Variants in PDSS2 observed in about 807,000 individuals in gnomAD.
PDSS2 encodes all trans-polyprenyl-diphosphate synthase PDSS2.
Under a neutral mutation model 44.5 loss-of-function variants are expected in PDSS2, and 31 were observed. The observed-to-expected ratio is 0.70, with a 90% CI of 0.52 to 0.94. The LOEUF (loss-of-function observed/expected upper bound fraction) is 0.94, where lower values mean the gene tolerates loss of function less well. PDSS2 is among the 40% of genes least tolerant of loss of function. The pLI is 0.00. For synonymous variants in PDSS2, 157 were observed against 180.3 expected, an observed-to-expected ratio of 0.87 and a Z score of 1.03; for missense variants, 452 against 482.2, an observed-to-expected ratio of 0.94 and a Z score of 0.59.
chr6:107,367,456 C>T (rs968305362), intron 1 of PDSS2, among the ~76,000 whole-genome samples: 3 of 152,170 alleles, frequency 2.0e-5, no homozygotes, highest in Non-Finnish European at 4.4e-5. Flanking sequence ...GTCAGTTCAA[C>T]TCAATGTTGT....
At chr6:107,341,892 T>C (rs746688672) in intron 1 of PDSS2, among the ~76,000 whole-genome samples, 5 of 152,186 alleles carry the variant, frequency 3.3e-5, no homozygotes, top group Non-Finnish European at 7.3e-5. Context: ...GCATATGCTC[T>C]AATTCTCACA....
chr6:107,245,298 ACTGAGC>A (rs1235641746), intron 4 of PDSS2, among the ~76,000 whole-genome samples: 1 of 152,064 alleles, frequency 6.6e-6, no homozygotes, highest in African/African-American at 2.4e-5. Flanking sequence ...CCCAGTGTCT[ACTGAGC>A]TGCTGCAGAT....
intron 1 of PDSS2, among the ~76,000 whole-genome samples, chr6:107,389,246 C>G (rs887222671): frequency 1.3e-5 from 2 of 152,206 alleles, no homozygotes; most frequent in Non-Finnish European, 2.9e-5. Context: ...AATCAGCCAA[C>G]AAGTTGGCAT....
At chr6:107,170,225 A>G (rs530229429) in intron 7 of PDSS2, among the ~76,000 whole-genome samples, 1 of 152,196 alleles carries the variant, frequency 6.6e-6, no homozygotes, top group Admixed American at 6.5e-5. Context: ...TCAATCTCAG[A>G]CTGCTGTGCT....
At chr6:107,276,129 A>G (rs1215173810) in intron 2 of PDSS2, among the ~76,000 whole-genome samples, 62 of 151,134 alleles carry the variant, frequency 4.1e-4, no homozygotes, top group Middle Eastern at 3.4e-3. Context: ...AAAAGGAAAG[A>G]AAAGAAAAGA....
intron 7 of PDSS2, among the ~76,000 whole-genome samples, chr6:107,161,739 TCA>T (rs1298547837): frequency 3.2e-4 from 48 of 152,302 alleles, no homozygotes; most frequent in Admixed American, 7.9e-4. Context: ...TGTTAAATAT[TCA>T]CAGTTTGGCC....
At chr6:107,160,582 C>A (rs1335344215) in intron 7 of PDSS2, among the ~76,000 whole-genome samples, 1 of 151,988 alleles carries the variant, frequency 6.6e-6, no homozygotes, top group Admixed American at 6.6e-5. Flanking sequence ...AAACTCCTGG[C>A]CTCAAATGAT....
chr6:107,269,884 C>T (rs1395351867), intron 3 of PDSS2, among the ~76,000 whole-genome samples: 1 of 152,104 alleles, frequency 6.6e-6, no homozygotes, highest in African/African-American at 2.4e-5. Flanking sequence ...CCAGGCTGGT[C>T]TCAGACTCCT....
intron 3 of PDSS2, among the ~76,000 whole-genome samples, chr6:107,248,488 T>C (rs943646073): frequency 2.1e-5 from 3 of 144,660 alleles, no homozygotes; most frequent in African/African-American, 7.7e-5. Context: ...TGAGTTACCC[T>C]TGGAAGCTCA....
chr6:107,441,874 T>C (rs1290637847), intron 1 of PDSS2, among the ~76,000 whole-genome samples: 2 of 152,128 alleles, frequency 1.3e-5, no homozygotes, highest in Non-Finnish European at 2.9e-5. Context: ...GGCTCAAACC[T>C]AGTACACCAT....
chr6:107,380,213 C>T (rs1431335138), intron 1 of PDSS2, among the ~76,000 whole-genome samples: 3 of 152,164 alleles, frequency 2.0e-5, no homozygotes, highest in Non-Finnish European at 2.9e-5. Context: ...CTGTGTCTTA[C>T]AGCTCTCTCA....
intron 1 of PDSS2, among the ~76,000 whole-genome samples, chr6:107,447,794 C>G (rs759242733): frequency 6.6e-6 from 1 of 152,240 alleles, no homozygotes; most frequent in African/African-American, 2.4e-5. Context: ...GGCTCCAACC[C>G]TACACTTCCC....
At chr6:107,231,352 A>C (rs1008961917) in intron 4 of PDSS2, among the ~76,000 whole-genome samples, 1 of 152,228 alleles carries the variant, frequency 6.6e-6, no homozygotes, top group African/African-American at 2.4e-5. Flanking sequence ...ACACAGTAAG[A>C]GAGTAATAAA....
intron 6 of PDSS2, among the ~76,000 whole-genome samples, chr6:107,209,892 C>T (rs574683264): frequency 1.3e-5 from 2 of 152,116 alleles, no homozygotes; most frequent in South Asian, 4.2e-4. Flanking sequence ...AAAAGAAAAC[C>T]AAAAAAGTTC....
chr6:107,415,030 A>G (rs1181447539), intron 1 of PDSS2, among the ~76,000 whole-genome samples: 2 of 152,206 alleles, frequency 1.3e-5, no homozygotes, highest in Non-Finnish European at 2.9e-5. Context: ...AGTTCAGAAA[A>G]TTAGAAAGGT....
At chr6:107,308,676 A>G (rs1193967886) in intron 2 of PDSS2, among the ~76,000 whole-genome samples, 1 of 152,224 alleles carries the variant, frequency 6.6e-6, no homozygotes, top group African/African-American at 2.4e-5. Context: ...CTCTTAGATG[A>G]TGAGCACTTT....
intron 7 of PDSS2, among the ~76,000 whole-genome samples, chr6:107,191,605 T>C (rs1008760514): frequency 6.6e-6 from 1 of 152,128 alleles, no homozygotes; most frequent in African/African-American, 2.4e-5. Context: ...CGCACCAATG[T>C]AGACTCATCA....
chr6:107,408,793 C>A lies in PDSS2; in HGVS notation c.296+50197G>T, dbSNP rs777776471. On this transcript the variant is annotated intron_variant, in intron 1 of 7. Coordinates refer to ENST00000369037, the MANE Select transcript of PDSS2 (RefSeq NM_020381.4). ...TAGATTTTTCAACAAACTCTAAAAG[C>A]TGAGCAAAATGAATCAGAGAACCCT... Among the ~76,000 whole-genome samples, 64 of 152,272 alleles carry A rather than the reference C, an allele frequency of 4.2e-4. 1 individual carries two copies. The highest frequency in any genetic ancestry group is 6.9e-4 in the Non-Finnish European group (47 of 68,024).
chr6:107,410,168 A>G (rs1000667374), intron 1 of PDSS2, among the ~76,000 whole-genome samples: 1 of 152,216 alleles, frequency 6.6e-6, no homozygotes, highest in Non-Finnish European at 1.5e-5. Context: ...AGTCTCCAAG[A>G]GCAATAGAAA....
Sources: allele counts gnomAD v4.1 joint callset (sites outside exome capture counted in the v4.1 genomes callset), GRCh38; gene constraint gnomAD v4.1.1; transcripts MANE v1.5; gene names NCBI Gene and HGNC (gene_info 2026-07-23, HGNC 2026-07-21).